PSD3: variants seen among roughly 807,000 people sequenced by gnomAD.
PSD3 encodes PH and SEC7 domain-containing protein 3.
In PSD3, 49 loss-of-function variants were observed where a neutral mutation model predicts 105.5. The ratio of observed to expected loss-of-function variants is 0.46; its 90% CI spans 0.37 to 0.59. PSD3 has a LOEUF of 0.59. Ranked by LOEUF, PSD3 falls within the 20% of genes least tolerant of loss-of-function variation. The probability of loss-of-function intolerance (pLI) is 0.00; values close to 1 mark genes in which losing one functional copy is unlikely to be tolerated. For synonymous variants in PSD3, 557 were observed against 457.8 expected, an observed-to-expected ratio of 1.22 and a Z score of -2.77; for missense variants, 1,561 against 1,263.8, an observed-to-expected ratio of 1.24 and a Z score of -3.57.
chr8:18,599,989 G>T (rs1055791420), intron 12 of PSD3, among the ~76,000 whole-genome samples: 20 of 152,112 alleles, frequency 1.3e-4, no homozygotes, highest in Non-Finnish European at 2.6e-4. Context: ...GTTCTCTGGG[G>T]CTAGTAAGTA....
At chr8:18,933,380 T>C (rs1047768421) in intron 2 of PSD3, among the ~76,000 whole-genome samples, 1 of 144,652 alleles carries the variant, frequency 6.9e-6, no homozygotes, top group Non-Finnish European at 1.5e-5. Context: ...TCAGTTTTAT[T>C]ATAGCCAAAA....
At chr8:18,573,251 C>T (rs112943633) in intron 13 of PSD3, among the ~76,000 whole-genome samples, 12,193 of 152,178 alleles carry the variant, frequency 0.08, 672 homozygotes, top group African/African-American at 0.15. Flanking sequence ...GGGCAGATCA[C>T]GTGAGGTCAG....
chr8:18,890,026 TG>T (rs1482424815), intron 2 of PSD3, among the ~76,000 whole-genome samples: 1 of 152,170 alleles, frequency 6.6e-6, no homozygotes, highest in Non-Finnish European at 1.5e-5. Context: ...TTGCCCAACC[TG>T]ATATAAGATT....
intron 12 of PSD3, 129 bp from the exon 13 acceptor site, chr8:18,575,414 C>T (rs1546002): frequency 0.32 from 276,780 of 875,436 alleles, 46,058 homozygotes; most frequent in East Asian, 0.39. Flanking sequence ...ATGAAACAAA[C>T]GGTGAGTAAA....
chr8:18,587,047 C>CT (rs917823959), intron 12 of PSD3, among the ~76,000 whole-genome samples: 3 of 152,096 alleles, frequency 2.0e-5, no homozygotes, highest in African/African-American at 7.2e-5. Flanking sequence ...TGGGCCAGGG[C>CT]TTTTTTCTCC....
intron 11 of PSD3, among the ~76,000 whole-genome samples, chr8:18,611,308 G>A (rs1805248112): frequency 6.6e-6 from 1 of 151,302 alleles, no homozygotes; most frequent in Admixed American, 6.6e-5. Context: ...CAGTATGTTA[G>A]CAGGAAGACA....
intron 15 of PSD3, among the ~76,000 whole-genome samples, chr8:18,549,959 T>A (rs889685957): frequency 2.0e-5 from 3 of 152,180 alleles, no homozygotes; most frequent in Non-Finnish European, 4.4e-5. Context: ...GAAACTGAGG[T>A]TCAGAAAGGA....
intron 4 of PSD3, among the ~76,000 whole-genome samples, chr8:18,855,451 T>C (rs1815931785): frequency 6.6e-6 from 1 of 152,136 alleles, no homozygotes; most frequent in Non-Finnish European, 1.5e-5. Flanking sequence ...TTATAGTATG[T>C]TCACATAATG....
intron 4 of PSD3, among the ~76,000 whole-genome samples, chr8:18,820,697 T>C (rs534218848): frequency 6.6e-6 from 1 of 152,200 alleles, no homozygotes; most frequent in Non-Finnish European, 1.5e-5. Context: ...AAACTGCCAA[T>C]GTGGAACCCA....
chr8:18,840,685 T>A (rs934605259), intron 4 of PSD3, among the ~76,000 whole-genome samples: 2 of 152,184 alleles, frequency 1.3e-5, no homozygotes, highest in Non-Finnish European at 2.9e-5. Context: ...CTGGAATGTG[T>A]ATCCAGGCAG....
At chr8:18,822,974 C>G (rs1165524749) in intron 4 of PSD3, among the ~76,000 whole-genome samples, 1 of 152,110 alleles carries the variant, frequency 6.6e-6, no homozygotes, top group Non-Finnish European at 1.5e-5. Context: ...GCAAGCCGAT[C>G]CAATCAATCA....
At chr8:18,968,153 A>C (rs1344320085) in intron 1 of PSD3, among the ~76,000 whole-genome samples, 1 of 152,176 alleles carries the variant, frequency 6.6e-6, no homozygotes, top group Non-Finnish European at 1.5e-5. Flanking sequence ...CTGCACACGC[A>C]CACAAAACTG....
Position 18,778,783 on chromosome 8 carries a change from T to C in PSD3, c.2083-13245A>G, listed in dbSNP as rs191214694. On this transcript the variant is annotated intron_variant, in intron 8 of 15. Transcript: ENST00000327040. The stretch of plus-strand genomic sequence containing the variant: ...TTATTGATTTACATATAATAAACCA[T>C]CCTACCATCCCTGGAATAAAACCCA... 5.3e-5 allele frequency among the ~76,000 whole-genome samples: 8 copies of C among 152,242 alleles called. No homozygotes were observed. In the East Asian group the frequency reaches 1.5e-3, roughly 29 times the overall value.
chr8:18,608,989 T>C (rs1402906805), intron 11 of PSD3, among the ~76,000 whole-genome samples: 1 of 151,782 alleles, frequency 6.6e-6, no homozygotes, highest in Non-Finnish European at 1.5e-5. Context: ...CCTGATCATC[T>C]TTTTTTTCCT....
chr8:18,915,602 T>G (rs976217295), intron 2 of PSD3, among the ~76,000 whole-genome samples: 1 of 152,246 alleles, frequency 6.6e-6, no homozygotes, highest in African/African-American at 2.4e-5. Context: ...GACATACAAA[T>G]GGCCAACAGA....
At chr8:18,627,098 A>T (rs111331237) in intron 11 of PSD3, among the ~76,000 whole-genome samples, 6,963 of 152,142 alleles carry the variant, frequency 0.046, 243 homozygotes, top group African/African-American at 0.091. Context: ...CTTTTTAGAC[A>T]TTTCAAAACA....
rs1802576126 is a variant in PSD3 at position 18,578,162 on chromosome 8, T to C, written c.2482-2877A>G. 3.9e-5 allele frequency among the ~76,000 whole-genome samples: 6 copies of C among 152,192 alleles called. No individual in the cohort carries two copies. The South Asian group carries it at 1.0e-3, about 26-fold the overall frequency. On this transcript the variant is annotated intron_variant, in intron 12 of 15. Transcript: ENST00000327040. ...GTTTTTTTCTCTTAGGAATCACATA[T>C]GGGTTTTCCTTTAATCTTAGGATTC...
At chr8:18,588,365 G>T (rs1022504402) in intron 12 of PSD3, among the ~76,000 whole-genome samples, 7 of 152,210 alleles carry the variant, frequency 4.6e-5, no homozygotes, top group African/African-American at 1.4e-4. Context: ...TCTAGGATCT[G>T]TGCAAGGTTT....
chr8:18,915,428 C>T (rs58195576), intron 2 of PSD3, among the ~76,000 whole-genome samples: 6,239 of 152,178 alleles, frequency 0.041, 282 homozygotes, highest in East Asian at 0.12. Flanking sequence ...TGAGTAAATA[C>T]GTGGCAAATC....
Sources: allele counts gnomAD v4.1 joint callset (sites outside exome capture counted in the v4.1 genomes callset), GRCh38; gene constraint gnomAD v4.1.1; transcripts MANE v1.5; gene names NCBI Gene and HGNC (gene_info 2026-07-23, HGNC 2026-07-21).